Variants in HOOK1 observed in about 807,000 individuals in gnomAD.
HOOK1 encodes hook microtubule tethering protein 1.
A neutral mutation model predicts 112.8 loss-of-function variants in HOOK1; 60 were observed. The observed-to-expected ratio is 0.53, with a 90% CI of 0.43 to 0.66. HOOK1 has a LOEUF of 0.66. Ranked by LOEUF, HOOK1 falls within the 30% of genes least tolerant of loss-of-function variation. The pLI, the probability that HOOK1 is intolerant of heterozygous loss-of-function variation, is 0.00. For missense variants in HOOK1, 770 were observed against 856.0 expected (o/e 0.90, Z 1.25); for synonymous variants, 294 against 283.8 (o/e 1.04, Z -0.36).
intron 19 of HOOK1, among the ~76,000 whole-genome samples, chr1:59,867,328 G>C (rs1209541072): frequency 6.6e-6 from 1 of 152,060 alleles, no homozygotes; most frequent in Admixed American, 6.6e-5. Context: ...CATGAGGGTA[G>C]GCACCATGTC....
intron 1 of HOOK1, among the ~76,000 whole-genome samples, chr1:59,818,774 A>G (rs910489059): frequency 3.3e-5 from 5 of 152,182 alleles, no homozygotes; most frequent in African/African-American, 9.7e-5. Context: ...ATTTTTATGA[A>G]GATCTTAAAA....
chr1:59,855,855 C>G (rs2098410179), intron 12 of HOOK1, among the ~76,000 whole-genome samples: 1 of 148,788 alleles, frequency 6.7e-6, no homozygotes, highest in African/African-American at 2.5e-5. Flanking sequence ...TCATTGAAGC[C>G]TCAACCCCTT....
rs1265181141 is a variant in HOOK1, at chr1:59,833,441, G to C, written c.310G>C (p.Asp104His). Reference protein sequence around the residue: ...GQQISEALIPDLNQITECSDP... With the variant: ...GQQISEALIPHLNQITECSDP... ...GCAGATTTCAGAAGCACTTATCCCT[G>C]ATTTAAACCAAATAACCGAATGTTC... is the stretch of plus-strand genomic sequence containing the variant. The change falls in exon 5 of 22, where the codon GAT (aspartate) becomes CAT (histidine). Residue 104 changes from aspartate to histidine, a missense_variant. Asp to His is a moderately conservative substitution (Grantham distance 81). This residue lies in a region of HOOK1 where 655 missense variants were observed against 725.9 expected (regional missense o/e 0.90). Transcript: ENST00000371208. 1.9e-6 allele frequency: 3 copies of C among 1,571,474 alleles called. No homozygotes were observed. The highest frequency in any genetic ancestry group is 1.3e-5 in the African/African-American group (1 of 74,338).
Position 59,864,025 on chromosome 1 carries a change from T to C in HOOK1, c.1627-607T>C, listed in dbSNP as rs188584511. Among the ~76,000 whole-genome samples, 6 of 152,208 alleles carry C rather than the reference T, an allele frequency of 3.9e-5. No homozygotes were observed. The East Asian group carries it at 1.2e-3, about 29-fold the overall frequency. Reference sequence around the variant, plus strand: ...ATTGGTATCCAACTTGTATTTCAGATTATATATTTTAAATACTTCACCTAT... The same window carrying C: ...ATTGGTATCCAACTTGTATTTCAGACTATATATTTTAAATACTTCACCTAT... On this transcript the variant is annotated intron_variant, in intron 16 of 21. Transcript: ENST00000371208.
intron 12 of HOOK1, among the ~76,000 whole-genome samples, chr1:59,854,821 A>G (rs974355274): frequency 2.0e-5 from 3 of 152,194 alleles, no homozygotes; most frequent in African/African-American, 4.8e-5. Flanking sequence ...TTAGAACTGT[A>G]GATTGATGAT....
rs141633450 is a variant in HOOK1 at position 59,868,536 on chromosome 1, T to C, written c.1947+185T>C. ...CAATAGATGCTCTGTGTGTAGCTCA[T>C]ATACCCTGTTTATATGCAGCGTTGT... On this transcript the variant is annotated intron_variant, in intron 20 of 21. Transcript: ENST00000371208. 2.3e-3 allele frequency among the ~76,000 whole-genome samples: 345 copies of C among 152,362 alleles called. 1 individual carries two copies. Among genetic ancestry groups the C allele is most frequent in the African/African-American group, 8.0e-3 (333 of 41,582 alleles).
chr1:59,818,044 T>G (rs2098382884), intron 1 of HOOK1, among the ~76,000 whole-genome samples: 1 of 152,202 alleles, frequency 6.6e-6, no homozygotes, highest in African/African-American at 2.4e-5. Context: ...TTTTTATAAA[T>G]ACTTGGGAGT....
chr1:59,853,598 C>T (rs1302802622), intron 12 of HOOK1, among the ~76,000 whole-genome samples: 7 of 151,842 alleles, frequency 4.6e-5, no homozygotes, highest in Non-Finnish European at 1.0e-4. Flanking sequence ...ATGTAATTAC[C>T]GATAAAAATA....
intron 7 of HOOK1, among the ~76,000 whole-genome samples, chr1:59,839,727 T>C (rs1302671790): frequency 3.3e-5 from 5 of 152,192 alleles, no homozygotes; most frequent in Admixed American, 1.3e-4. Flanking sequence ...CAATACTATG[T>C]TGAATAGGAG....
At chr1:59,871,159 A>T (rs1222468549) in intron 21 of HOOK1, 49 bp downstream of exon 21, 6 of 1,325,890 alleles carry the variant, frequency 4.5e-6, no homozygotes, top group Non-Finnish European at 6.5e-6. Flanking sequence ...GTTTAAGCAA[A>T]CTTTTTTTTG....
intron 17 of HOOK1, 61 bp from the exon 18 acceptor site, chr1:59,865,102 G>A (rs1220272979): frequency 7.0e-6 from 7 of 998,942 alleles, no homozygotes; most frequent in Non-Finnish European, 1.1e-5. Flanking sequence ...AAAGCAACTT[G>A]CCCAAGGTCC....
chr1:59,837,242 T>G (rs1359215852), intron 7 of HOOK1, among the ~76,000 whole-genome samples: 1 of 152,168 alleles, frequency 6.6e-6, no homozygotes, highest in Non-Finnish European at 1.5e-5. Context: ...TTTAATTTAT[T>G]TAATAATGTA....
In HOOK1 at chr1:59,846,575, CT is replaced by C. The variant is rs1559053171; in HGVS notation, c.789-468del. On this transcript the variant is annotated intron_variant, in intron 9 of 21. Coordinates refer to ENST00000371208, the MANE Select transcript of HOOK1 (RefSeq NM_015888.6). ...CCTTCCTTCCTTCCTTCCTTCCTTC[CT>C]TCCTTCCTTCCTCCCTCCTCCCTCC... Among the ~76,000 whole-genome samples, 11 of 86,304 alleles carry C rather than the reference CT, an allele frequency of 1.3e-4. 1 individual carries two copies. The highest frequency in any genetic ancestry group is 1.7e-4 in the Non-Finnish European group (7 of 42,192). The allele number at this position is 86,304 out of a possible 152,430, so 56.6% of individuals were successfully genotyped here. A position where few individuals can be genotyped will look rare whatever the true frequency, so the allele number is the denominator to read the frequency against.
At chr1:59,837,588 C>G (rs1215183977) in intron 7 of HOOK1, among the ~76,000 whole-genome samples, 1 of 152,034 alleles carries the variant, frequency 6.6e-6, no homozygotes, top group Non-Finnish European at 1.5e-5. Flanking sequence ...CTAAACAATG[C>G]CTTCTCTAAT....
At chr1:59,835,178 A>G (rs1239904062) in intron 5 of HOOK1, among the ~76,000 whole-genome samples, 167 bp from the exon 6 acceptor site, 1 of 152,172 alleles carries the variant, frequency 6.6e-6, no homozygotes, top group African/African-American at 2.4e-5. Context: ...GCTTAACAAT[A>G]CTCAGTTTAT....
intron 21 of HOOK1, 37 bp downstream of exon 21, chr1:59,871,147 G>A (rs779711235): frequency 4.1e-6 from 6 of 1,462,468 alleles, no homozygotes; most frequent in Non-Finnish European, 4.8e-6. Flanking sequence ...GATGAGAACG[G>A]TGTTTAAGCA....
intron 12 of HOOK1, among the ~76,000 whole-genome samples, chr1:59,853,045 A>G (rs568499883): frequency 2.6e-4 from 39 of 152,086 alleles, no homozygotes; most frequent in African/African-American, 8.4e-4. Context: ...ATGGCCTAGC[A>G]TATGGTCTGT....
In HOOK1 at chr1:59,847,085, G is replaced by C; in HGVS notation, c.829G>C (p.Glu277Gln). 3 of 1,609,558 alleles carry C rather than the reference G, an allele frequency of 1.9e-6. No homozygotes were observed. The highest frequency in any genetic ancestry group is 2.5e-6 in the Non-Finnish European group (3 of 1,177,498). The change falls in exon 10 of 22, where the codon GAA becomes CAA. Residue 277 changes from glutamate to glutamine, a missense_variant. Around this residue, in one of 3 missense-constraint regions of HOOK1, gnomAD observed 655 missense variants for 725.9 expected, o/e 0.90. Transcript: ENST00000371208. ...AKDDYRVHCE[E>Q]LEKQLIEFQH... The stretch of plus-strand genomic sequence containing the variant: ...AGATGATTACCGTGTTCACTGTGAA[G>C]AACTTGAAAAGCAGCTAATCGAATT...
intron 1 of HOOK1, among the ~76,000 whole-genome samples, chr1:59,816,082 A>T (rs188767486): frequency 6.6e-6 from 1 of 152,294 alleles, no homozygotes; most frequent in East Asian, 1.9e-4. Flanking sequence ...GATGATGCTC[A>T]TCCCAAACCA....
Sources: gnomAD v4.1 joint callset for allele counts (sites outside exome capture counted in the v4.1 genomes callset) on GRCh38, gnomAD v4.1.1 for gene constraint, gnomAD v4.1.1 regional missense constraint, MANE v1.5 for transcripts, NCBI Gene and HGNC (gene_info 2026-07-23, HGNC 2026-07-21) for gene names.